Variants in SKAP2 observed in about 807,000 individuals in gnomAD.
The protein encoded by SKAP2 is src kinase-associated phosphoprotein 2.
A neutral mutation model predicts 54.9 loss-of-function variants in SKAP2; 28 were observed. That is an observed-to-expected ratio of 0.51 (90% CI 0.38 to 0.70). The LOEUF (loss-of-function observed/expected upper bound fraction) is 0.70, where lower values mean the gene tolerates loss of function less well. SKAP2 is among the 30% of genes least tolerant of loss of function. SKAP2 has a pLI of 0.00. For synonymous variants in SKAP2, 137 were observed against 134.3 expected, an observed-to-expected ratio of 1.02 and a Z score of -0.14; for missense variants, 356 against 424.1, an observed-to-expected ratio of 0.84 and a Z score of 1.41.
At chr7:26,820,048 T>G (rs1784358369) in intron 4 of SKAP2, among the ~76,000 whole-genome samples, 1 of 152,060 alleles carries the variant, frequency 6.6e-6, no homozygotes, top group South Asian at 2.1e-4. Context: ...CCTGGCGCAC[T>G]GGCACATGCC....
At chr7:26,825,400 A>G (rs1228357189) in intron 4 of SKAP2, among the ~76,000 whole-genome samples, 1 of 152,170 alleles carries the variant, frequency 6.6e-6, no homozygotes, top group African/African-American at 2.4e-5. Context: ...TGTCTATCCA[A>G]GACAAATTAA....
intron 4 of SKAP2, among the ~76,000 whole-genome samples, chr7:26,818,209 G>A (rs138144949): frequency 0.21 from 32,315 of 151,894 alleles, 3,509 homozygotes; most frequent in Non-Finnish European, 0.24. Flanking sequence ...TACAGTAACC[G>A]AAACAGCATG....
At chr7:26,692,271 A>G (rs1786802497) in intron 9 of SKAP2, among the ~76,000 whole-genome samples, 1 of 152,172 alleles carries the variant, frequency 6.6e-6, no homozygotes, top group Non-Finnish European at 1.5e-5. Flanking sequence ...TATTACTAAA[A>G]GGAGGATAGC....
chr7:26,689,763 G>A (rs935100617), intron 10 of SKAP2, among the ~76,000 whole-genome samples: 2 of 152,206 alleles, frequency 1.3e-5, no homozygotes, highest in Non-Finnish European at 2.9e-5. Context: ...AGACAGAGCT[G>A]TGGGTCGACT....
At position 26,740,811 on chromosome 7, in the gene SKAP2, C is replaced by T. The variant is rs149840369; in HGVS notation, c.308-847G>A. ...GACCAGCCTGGCCAACACAGTGAAA[C>T]CTGGTCTCTACTAAAACTACAAAAG... On this transcript the variant is annotated intron_variant, in intron 4 of 12. Transcript: ENST00000345317. 4.6e-3 allele frequency among the ~76,000 whole-genome samples: 694 copies of T among 152,040 alleles called. 20 individuals are homozygous for T. Among genetic ancestry groups the T allele is most frequent in the Admixed American group, 0.034 (526 of 15,262 alleles).
chr7:26,852,201 C>G (rs897806217), intron 3 of SKAP2, among the ~76,000 whole-genome samples: 3 of 152,010 alleles, frequency 2.0e-5, no homozygotes, highest in African/African-American at 7.3e-5. Flanking sequence ...GGCAGCACCA[C>G]CAAAACGTAC....
intron 11 of SKAP2, among the ~76,000 whole-genome samples, chr7:26,682,679 C>T (rs1490797387): frequency 2.0e-5 from 3 of 152,128 alleles, no homozygotes; most frequent in Admixed American, 6.5e-5. Context: ...GAAGTACTTT[C>T]GATCAGCTCT....
At chr7:26,858,714 C>T (rs1040388537) in intron 1 of SKAP2, among the ~76,000 whole-genome samples, 3 of 152,158 alleles carry the variant, frequency 2.0e-5, no homozygotes, top group Non-Finnish European at 4.4e-5. Flanking sequence ...CTGCTTTCTG[C>T]CAACTTCTAC....
intron 4 of SKAP2, among the ~76,000 whole-genome samples, chr7:26,772,344 T>A (rs185219898): frequency 7.5e-4 from 114 of 152,276 alleles, no homozygotes; most frequent in Admixed American, 2.1e-3. Context: ...GTGAGCATAG[T>A]ACCCAATAGG....
intron 4 of SKAP2, among the ~76,000 whole-genome samples, chr7:26,768,359 A>G (rs547695235): frequency 6.6e-6 from 1 of 150,440 alleles, no homozygotes; most frequent in South Asian, 2.1e-4. Context: ...GTGTCTTTAC[A>G]TGTGAGATGA....
At chr7:26,665,377 T>C (rs1562568095), downstream of SKAP2, among the ~76,000 whole-genome samples, 4 of 151,890 alleles carry the variant, frequency 2.6e-5, no homozygotes, top group African/African-American at 9.7e-5. Flanking sequence ...AATTCTGTTA[T>C]AACAATAAAA....
intron 4 of SKAP2, among the ~76,000 whole-genome samples, chr7:26,780,254 A>C (rs983074291): frequency 6.6e-6 from 1 of 152,140 alleles, no homozygotes; most frequent in Non-Finnish European, 1.5e-5. Flanking sequence ...ACATTAGCAA[A>C]TGCTCAATAA....
At chr7:26,731,343 A>C (rs1170426091) in intron 6 of SKAP2, among the ~76,000 whole-genome samples, 2 of 152,182 alleles carry the variant, frequency 1.3e-5, no homozygotes, top group Non-Finnish European at 2.9e-5. Flanking sequence ...ACGGTAGAGA[A>C]GATAAATGTT....
At chr7:26,664,582 G>T (rs1477572740), downstream of SKAP2, among the ~76,000 whole-genome samples, 1 of 152,062 alleles carries the variant, frequency 6.6e-6, no homozygotes, top group Non-Finnish European at 1.5e-5. Flanking sequence ...GTAAATTGCA[G>T]TTCAAGCTAC....
chr7:26,804,463 G>A (rs751711390), intron 4 of SKAP2, among the ~76,000 whole-genome samples: 26 of 152,036 alleles, frequency 1.7e-4, no homozygotes, highest in South Asian at 4.2e-4. Flanking sequence ...GTGCCGGGCC[G>A]GGCCTGGTGG....
At chr7:26,756,433 T>C (rs1211749672) in intron 4 of SKAP2, among the ~76,000 whole-genome samples, 3 of 152,168 alleles carry the variant, frequency 2.0e-5, no homozygotes, top group Non-Finnish European at 1.5e-5. Flanking sequence ...TGGTGTTTGG[T>C]TTTTTGTCCT....
At chr7:26,746,378 CT>C (rs1434197362) in intron 4 of SKAP2, among the ~76,000 whole-genome samples, 1 of 152,056 alleles carries the variant, frequency 6.6e-6, no homozygotes, top group Non-Finnish European at 1.5e-5. Context: ...GTTTCTTATT[CT>C]AATAGGTTTT....
downstream of SKAP2, among the ~76,000 whole-genome samples, chr7:26,664,650 G>T (rs568288490): frequency 2.0e-5 from 3 of 150,724 alleles, no homozygotes; most frequent in South Asian, 6.3e-4. Context: ...GAAAGTTGAG[G>T]CCAATAAACA....
chr7:26,677,394 T>TAAAAAAAAAAAA lies in SKAP2; in HGVS notation c.988-7214_988-7203dup, dbSNP rs1322136047. 1.4e-3 allele frequency among the ~76,000 whole-genome samples: 99 copies of TAAAAAAAAAAAA among 72,952 alleles called. 2 individuals carry two copies. The highest frequency in any genetic ancestry group is 5.2e-3 in the African/African-American group (97 of 18,496). The allele number at this position is 72,952 out of a possible 152,430, so 47.9% of individuals were successfully genotyped here. A position where few individuals can be genotyped will look rare whatever the true frequency, so the allele number is the denominator to read the frequency against. The stretch of plus-strand genomic sequence containing the variant: ...GTGACAGAGCAAGACTCTGTCTCAA[T>TAAAAAAAAAAAA]AAAAAAAAAAAAAAAAAAAAAGAAG... On this transcript the variant is annotated intron_variant, in intron 11 of 12. Transcript: ENST00000345317.
Sources: allele counts gnomAD v4.1 joint callset (sites outside exome capture counted in the v4.1 genomes callset), GRCh38; gene constraint gnomAD v4.1.1; transcripts MANE v1.5; gene names NCBI Gene and HGNC (gene_info 2026-07-23, HGNC 2026-07-21).